BANP: variants seen among roughly 807,000 people sequenced by gnomAD.
BANP encodes protein BANP.
In BANP, 11 loss-of-function variants were observed where a neutral mutation model predicts 68.1. The ratio of observed to expected loss-of-function variants is 0.16; its 90% CI spans 0.10 to 0.27. BANP has a LOEUF of 0.27. Among genes scored for constraint, BANP ranks in the 10% least tolerant of loss-of-function variants. BANP has a pLI of 1.00. For synonymous variants in BANP, 329 were observed against 303.2 expected (o/e 1.09, Z -0.88); for missense variants, 504 against 722.7 (o/e 0.70, Z 3.47).
chr16:88,076,460 T>C, intron 13 of BANP, 130 bp from the exon 14 acceptor site: 1 of 744,730 alleles, frequency 1.3e-6, no homozygotes, highest in Non-Finnish European at 2.1e-6. Context: ...CTTGGGGCCG[T>C]CAGGGCTCCT....
intron 2 of BANP, chr16:87,980,556 G>A (rs574608165): frequency 1.2e-5 from 2 of 169,420 alleles, no homozygotes; most frequent in East Asian, 3.5e-4. Context: ...TGTTAAGATT[G>A]ACACTGTTTT....
At chr16:87,989,552 G>A (rs1036503694) in intron 4 of BANP, among the ~76,000 whole-genome samples, 1 of 151,790 alleles carries the variant, frequency 6.6e-6, no homozygotes. Context: ...ATGCAGGCCC[G>A]CGTGGCTGTG....
At chr16:88,045,521 A>G (rs565399587) in intron 11 of BANP, among the ~76,000 whole-genome samples, 2 of 152,326 alleles carry the variant, frequency 1.3e-5, no homozygotes, top group African/African-American at 4.8e-5. Flanking sequence ...TTCCCTGTGC[A>G]GCACCTGTCG....
intron 1 of BANP, among the ~76,000 whole-genome samples, chr16:87,967,653 A>C (rs1400477187): frequency 2.5e-5 from 3 of 118,786 alleles, no homozygotes; most frequent in African/African-American, 6.7e-5. Flanking sequence ...ATGGAGTCTC[A>C]CTCTGTCGCC....
intron 12 of BANP, among the ~76,000 whole-genome samples, chr16:88,068,372 C>A (rs867309405): frequency 1.3e-5 from 2 of 152,232 alleles, no homozygotes; most frequent in African/African-American, 4.8e-5. Context: ...CCAGTCAAGT[C>A]CCTGCACCGC....
chr16:88,014,013 A>G (rs1410213034), intron 6 of BANP, among the ~76,000 whole-genome samples: 2 of 152,202 alleles, frequency 1.3e-5, no homozygotes, highest in Non-Finnish European at 2.9e-5. Flanking sequence ...AGGCCAGCAC[A>G]AACTGGGTCC....
chr16:87,958,138 G>A (rs1485437653), intron 1 of BANP, among the ~76,000 whole-genome samples: 1 of 152,162 alleles, frequency 6.6e-6, no homozygotes, highest in Non-Finnish European at 1.5e-5. Context: ...CCTCTTTGTG[G>A]TGTAGGTCAT....
chr16:88,033,326 T>C, intron 9 of BANP, 81 bp downstream of exon 9: 2 of 1,364,138 alleles, frequency 1.5e-6, no homozygotes, highest in Non-Finnish European at 1.9e-6. Flanking sequence ...CTTCCACCGG[T>C]TCCGCTGTGT....
At chr16:88,066,040 C>T (rs372272406) in intron 12 of BANP, among the ~76,000 whole-genome samples, 3 of 152,168 alleles carry the variant, frequency 2.0e-5, no homozygotes, top group African/African-American at 4.8e-5. Flanking sequence ...GGATAGCGTC[C>T]GAGCAGCCTC....
intron 1 of BANP, among the ~76,000 whole-genome samples, chr16:87,971,924 C>T (rs1597918709): frequency 6.6e-6 from 1 of 152,220 alleles, no homozygotes; most frequent in East Asian, 1.9e-4. Context: ...TCCTGAGTAG[C>T]AGGGACCACA....
chr16:88,032,165 A>G (rs1263977655), intron 8 of BANP, among the ~76,000 whole-genome samples: 1 of 151,580 alleles, frequency 6.6e-6, no homozygotes, highest in African/African-American at 2.4e-5. Flanking sequence ...ATTCATATCA[A>G]CATTCTACTT....
chr16:88,044,045 G>A (rs939813459), intron 11 of BANP, among the ~76,000 whole-genome samples: 3 of 152,230 alleles, frequency 2.0e-5, no homozygotes, highest in African/African-American at 7.2e-5. Flanking sequence ...TCAGGGGGCT[G>A]GCAGGGGAAC....
chr16:88,041,631 T>G (rs1029975469), intron 11 of BANP, among the ~76,000 whole-genome samples: 1 of 152,194 alleles, frequency 6.6e-6, no homozygotes, highest in Non-Finnish European at 1.5e-5. Context: ...GCTCTGATAC[T>G]GAGGTTCCAG....
At chr16:88,060,277 G>A (rs1377505888) in intron 11 of BANP, among the ~76,000 whole-genome samples, 1 of 152,188 alleles carries the variant, frequency 6.6e-6, no homozygotes, top group Non-Finnish European at 1.5e-5. Context: ...CTGACGAGGG[G>A]TCTCTCTGGG....
intron 11 of BANP, among the ~76,000 whole-genome samples, chr16:88,043,417 C>A (rs2081277896): frequency 6.6e-6 from 1 of 152,142 alleles, no homozygotes; most frequent in Non-Finnish European, 1.5e-5. Context: ...TTTCTTTTGT[C>A]CCTGCCTCAC....
chr16:87,971,829 G>A (rs1376640829), intron 1 of BANP, among the ~76,000 whole-genome samples: 1 of 152,110 alleles, frequency 6.6e-6, no homozygotes, highest in Non-Finnish European at 1.5e-5. Flanking sequence ...GTCTCGTTCT[G>A]TTGTCCAGGG....
chr16:88,046,380 A>G (rs1041436781), intron 11 of BANP, among the ~76,000 whole-genome samples: 12 of 152,366 alleles, frequency 7.9e-5, no homozygotes, highest in African/African-American at 2.9e-4. Context: ...CTGTAAAGCA[A>G]TCTGACTACA....
At chr16:88,065,831 C>T (rs1026474250) in intron 12 of BANP, among the ~76,000 whole-genome samples, 4 of 152,108 alleles carry the variant, frequency 2.6e-5, no homozygotes, top group African/African-American at 7.2e-5. Flanking sequence ...TGGAAGGGCA[C>T]CCTGATCCCG....
Position 88,006,023 on chromosome 16 carries a change from C to T in BANP, c.480-67C>T, listed in dbSNP as rs867351117. ...GAGTTAGATTTTGCGATAAGGAAAG[C>T]GCTGACCTTCGCGTGCTGCTTGCGG... is the stretch of plus-strand genomic sequence containing the variant. On this transcript the variant is annotated intron_variant, in intron 5 of 13. Transcript: ENST00000682872. The T allele has an allele frequency of 1.1e-4, 175 of 1,602,948 alleles. 1 individual carries two copies. In the South Asian group the frequency reaches 1.2e-3, roughly 11 times the overall value.
Sources: allele counts gnomAD v4.1 joint callset (sites outside exome capture counted in the v4.1 genomes callset), GRCh38; gene constraint gnomAD v4.1.1; transcripts MANE v1.5; gene names NCBI Gene and HGNC (gene_info 2026-07-23, HGNC 2026-07-21).